Variants in SMAP1 observed in about 807,000 individuals in gnomAD.
SMAP1 encodes the protein stromal membrane-associated protein 1.
In SMAP1, 24 loss-of-function variants were observed where a neutral mutation model predicts 58.5. The observed-to-expected ratio is 0.41, with a 90% confidence interval of 0.30 to 0.58. The LOEUF (loss-of-function observed/expected upper bound fraction) is 0.58, where lower values mean the gene tolerates loss of function less well. SMAP1 is among the 20% of genes least tolerant of loss of function. SMAP1 has a pLI of 0.29. For synonymous variants in SMAP1, 216 were observed against 196.6 expected, an observed-to-expected ratio of 1.10 and a Z score of -0.82; for missense variants, 563 against 566.3, an observed-to-expected ratio of 0.99 and a Z score of 0.06.
intron 1 of SMAP1, among the ~76,000 whole-genome samples, chr6:70,705,812 T>C (rs1767815995): frequency 6.6e-6 from 1 of 152,194 alleles, no homozygotes; most frequent in African/African-American, 2.4e-5. Context: ...AGATCAACTT[T>C]GCCTATTTTT....
At chr6:70,714,726 G>T (rs532900393) in intron 1 of SMAP1, among the ~76,000 whole-genome samples, 21 of 152,166 alleles carry the variant, frequency 1.4e-4, no homozygotes, top group African/African-American at 5.1e-4. Flanking sequence ...AAAACATTAT[G>T]TTGTTGTTTT....
intron 4 of SMAP1, among the ~76,000 whole-genome samples, chr6:70,783,082 C>A (rs1441102013): frequency 1.3e-5 from 2 of 152,158 alleles, no homozygotes; most frequent in Non-Finnish European, 1.5e-5. Context: ...TCCTCTGAGA[C>A]AAAACTTCCA....
chr6:70,838,729 CAAGG>C (rs1463901761), intron 7 of SMAP1, among the ~76,000 whole-genome samples: 2 of 148,690 alleles, frequency 1.3e-5, no homozygotes, highest in African/African-American at 5.0e-5. Context: ...ACAGAGGAGA[CAAGG>C]AAGGAGGGGG....
intron 1 of SMAP1, among the ~76,000 whole-genome samples, chr6:70,680,726 TTTTTTTTTTTGAGTTGG>T (rs1342352778): frequency 7.0e-6 from 1 of 143,104 alleles, no homozygotes; most frequent in Non-Finnish European, 1.5e-5. Context: ...TTTTTTTTTT[TTTTTTTTTTTGAGTTGG>T]AGTCTCACTG....
At position 70,807,359 on chromosome 6, in the gene SMAP1, G is replaced by A. The variant is rs1473478847; in HGVS notation, c.576+8622G>A. ...ATGTAATGAGTCAAGTGACTAATAA[G>A]GCAGATGCCTTTGATATTTAAATAG... On this transcript the variant is annotated intron_variant, in intron 6 of 10. Transcript: ENST00000370455. Among the ~76,000 whole-genome samples, 4 of 152,176 alleles carry A rather than the reference G, an allele frequency of 2.6e-5. No individual in the cohort carries two copies. In the East Asian group the frequency reaches 7.7e-4, roughly 29 times the overall value.
chr6:70,760,821 A>C (rs1402547275), intron 3 of SMAP1, among the ~76,000 whole-genome samples: 2 of 152,164 alleles, frequency 1.3e-5, no homozygotes, highest in East Asian at 3.8e-4. Flanking sequence ...TTTGCAATTT[A>C]CAAAAGTTAT....
At chr6:70,763,302 A>G (rs1562141848) in intron 3 of SMAP1, among the ~76,000 whole-genome samples, 1 of 152,022 alleles carries the variant, frequency 6.6e-6, no homozygotes, top group East Asian at 1.9e-4. Context: ...GTGATCTTTA[A>G]TGCTACTGTT....
chr6:70,695,037 T>C (rs1257550396), intron 1 of SMAP1, among the ~76,000 whole-genome samples: 2 of 152,186 alleles, frequency 1.3e-5, no homozygotes, highest in Non-Finnish European at 2.9e-5. Context: ...ATTTATCTCA[T>C]TGTATTTGTA....
chr6:70,748,272 A>T (rs1766130827), intron 2 of SMAP1, among the ~76,000 whole-genome samples: 1 of 152,208 alleles, frequency 6.6e-6, no homozygotes, highest in Admixed American at 6.5e-5. Context: ...AAAAGTTTTT[A>T]AAAATATGTA....
chr6:70,693,093 T>A (rs572654903), intron 1 of SMAP1, among the ~76,000 whole-genome samples: 1 of 152,076 alleles, frequency 6.6e-6, no homozygotes, highest in Non-Finnish European at 1.5e-5. Context: ...TATGTGTCTA[T>A]TTTTATGCCA....
At chr6:70,775,312 T>A (rs1541127) in intron 4 of SMAP1, among the ~76,000 whole-genome samples, 65,983 of 151,950 alleles carry the variant, frequency 0.43, 14,691 homozygotes, top group South Asian at 0.5. Flanking sequence ...AATATAATTT[T>A]AAAAATTATA....
intron 3 of SMAP1, among the ~76,000 whole-genome samples, chr6:70,763,554 A>C (rs1050693245): frequency 6.6e-6 from 1 of 152,164 alleles, no homozygotes. Context: ...TAAATCAAAA[A>C]GCTATAATAG....
At chr6:70,736,805 T>G (rs1765635930) in intron 2 of SMAP1, among the ~76,000 whole-genome samples, 1 of 152,246 alleles carries the variant, frequency 6.6e-6, no homozygotes, top group South Asian at 2.1e-4. Flanking sequence ...GTCCAAGGCT[T>G]TGCCTTATTT....
chr6:70,709,937 T>C (rs1162510706), intron 1 of SMAP1, among the ~76,000 whole-genome samples: 1 of 152,018 alleles, frequency 6.6e-6, no homozygotes, highest in Non-Finnish European at 1.5e-5. Context: ...ATTCCTAACT[T>C]CAGTCTTTCA....
intron 1 of SMAP1, among the ~76,000 whole-genome samples, chr6:70,695,515 C>A (rs918626976): frequency 6.6e-6 from 1 of 152,056 alleles, no homozygotes; most frequent in Non-Finnish European, 1.5e-5. Context: ...TTATCAGAAT[C>A]TTTTTCAGTA....
chr6:70,671,832 A>G (rs1252334869), intron 1 of SMAP1, among the ~76,000 whole-genome samples: 1 of 152,202 alleles, frequency 6.6e-6, no homozygotes, highest in African/African-American at 2.4e-5. Context: ...ATAATATTCC[A>G]TTGTATGGAT....
In SMAP1 at chr6:70,718,690, G is replaced by A. The variant is rs181250642; in HGVS notation, c.119-13688G>A. On this transcript the variant is annotated intron_variant, in intron 1 of 10. Coordinates refer to ENST00000370455, the MANE Select transcript of SMAP1 (RefSeq NM_001044305.3). ...CAAACAATTAGCTGGGCGTGGTGGC[G>A]GGCACCTGTAATCCCAGCTACTTGG... Among the ~76,000 whole-genome samples, 5 of 151,692 alleles carry A rather than the reference G, an allele frequency of 3.3e-5. No homozygotes were observed. In the East Asian group the frequency reaches 5.8e-4, roughly 18 times the overall value.
At chr6:70,682,207 G>A (rs1267974926) in intron 1 of SMAP1, among the ~76,000 whole-genome samples, 1 of 47,042 alleles carries the variant, frequency 2.1e-5, no homozygotes, top group African/African-American at 6.6e-5. Context: ...TTTTTTTTTT[G>A]AGATAGAGTC....
chr6:70,782,517 T>C (rs1211685325), intron 4 of SMAP1, among the ~76,000 whole-genome samples: 8 of 152,212 alleles, frequency 5.3e-5, no homozygotes, highest in Non-Finnish European at 8.8e-5. Flanking sequence ...AACTTACATA[T>C]GAGGCCTAGC....
Sources: allele counts gnomAD v4.1 joint callset (sites outside exome capture counted in the v4.1 genomes callset), GRCh38; gene constraint gnomAD v4.1.1; transcripts MANE v1.5; gene names NCBI Gene and HGNC (gene_info 2026-07-23, HGNC 2026-07-21).